IL1RAPL2: variants seen among roughly 807,000 people sequenced by gnomAD.
IL1RAPL2 encodes the protein interleukin 1 receptor accessory protein like 2, also known as X-linked interleukin-1 receptor accessory protein-like 2.
A neutral mutation model predicts 44.1 loss-of-function variants in IL1RAPL2; 3 were observed. The ratio of observed to expected loss-of-function variants is 0.07; its 90% CI spans 0.03 to 0.18. IL1RAPL2 has a LOEUF of 0.18. IL1RAPL2 is among the 10% of genes least tolerant of loss of function. IL1RAPL2 has a pLI of 1.00. For synonymous variants in IL1RAPL2, 181 were observed against 178.8 expected, an observed-to-expected ratio of 1.01 and a Z score of -0.10; for missense variants, 391 against 496.4, an observed-to-expected ratio of 0.79 and a Z score of 2.02.
chrX:105,531,434 C>G (rs996096586), intron 6 of IL1RAPL2, among the ~76,000 whole-genome samples: 1 of 111,535 alleles, frequency 9.0e-6, no homozygotes, highest in Non-Finnish European at 1.9e-5. Context: ...TTTGAGCTCC[C>G]TGTATATTTT....
chrX:105,688,332 C>A (rs1053171934), intron 6 of IL1RAPL2, among the ~76,000 whole-genome samples: 2 of 111,804 alleles, frequency 1.8e-5, no homozygotes, highest in African/African-American at 6.5e-5. Flanking sequence ...CCCATCGTCA[C>A]AGCCCAAAAT....
chrX:105,286,590 C>A (rs945298709), intron 5 of IL1RAPL2, among the ~76,000 whole-genome samples: 1 of 98,574 alleles, frequency 1.0e-5, no homozygotes, highest in Non-Finnish European at 1.9e-5. Flanking sequence ...AGTAAGACAA[C>A]GATAGAACAA....
At chrX:105,690,252 A>T (rs897367796) in intron 6 of IL1RAPL2, among the ~76,000 whole-genome samples, 4 of 111,865 alleles carry the variant, frequency 3.6e-5, no homozygotes, top group Non-Finnish European at 5.6e-5. Flanking sequence ...AAAAAAATTT[A>T]AAAAATGTTA....
chrX:105,655,677 C>G (rs1173433388), intron 6 of IL1RAPL2, among the ~76,000 whole-genome samples: 1 of 112,215 alleles, frequency 8.9e-6, no homozygotes, highest in Non-Finnish European at 1.9e-5. Context: ...AATTATATCA[C>G]TCTTCATTTT....
chrX:104,589,383 C>T (rs758018577), intron 1 of IL1RAPL2, among the ~76,000 whole-genome samples: 5 of 112,138 alleles, frequency 4.5e-5, no homozygotes, highest in South Asian at 7.5e-4. Flanking sequence ...ATCCTTTTCA[C>T]GTTTTTCTGC....
chrX:105,374,131 A>AG lies in IL1RAPL2; in HGVS notation c.697+106590_697+106591insG, dbSNP rs1421592973. ...CAAGACTGTCAAAAAAAAAAAAAAA[A>AG]AAAAAGAAAGAAAGAGCAGATGGCT... On this transcript the variant is annotated intron_variant, in intron 5 of 10. Transcript: ENST00000372582. Among the ~76,000 whole-genome samples, 49 of 103,740 alleles carry AG rather than the reference A, an allele frequency of 4.7e-4. 1 individual carries two copies. The highest frequency in any genetic ancestry group is 1.7e-3 in the African/African-American group (45 of 25,717). The allele number at this position is 103,740 out of a possible 115,157, so 90.1% of individuals were successfully genotyped here.
chrX:105,655,889 C>T (rs949543725), intron 6 of IL1RAPL2, among the ~76,000 whole-genome samples: 1 of 111,715 alleles, frequency 9.0e-6, no homozygotes, highest in Non-Finnish European at 1.9e-5. Context: ...TGTTTTTATA[C>T]AGGCATGCAA....
intron 2 of IL1RAPL2, among the ~76,000 whole-genome samples, chrX:104,977,944 C>T (rs1012218713): frequency 8.9e-6 from 1 of 111,836 alleles, no homozygotes; most frequent in Admixed American, 9.5e-5. Context: ...TGATAACTTC[C>T]AAGTGTTGCT....
intron 6 of IL1RAPL2, among the ~76,000 whole-genome samples, chrX:105,642,373 A>G (rs2037575647): frequency 8.9e-6 from 1 of 112,239 alleles, no homozygotes; most frequent in African/African-American, 3.2e-5. Context: ...ACTTGGTGTC[A>G]ATTGGGTTCC....
At chrX:105,047,797 G>A (rs1256986978) in intron 2 of IL1RAPL2, among the ~76,000 whole-genome samples, 2 of 111,538 alleles carry the variant, frequency 1.8e-5, no homozygotes, top group African/African-American at 6.5e-5. Context: ...GCTAACTGAA[G>A]AACAACTATT....
chrX:105,349,440 G>A (rs1276152104), intron 5 of IL1RAPL2, among the ~76,000 whole-genome samples: 1 of 111,570 alleles, frequency 9.0e-6, no homozygotes, highest in Non-Finnish European at 1.9e-5. Context: ...TTAAACATGT[G>A]TACATGTTTC....
At chrX:104,735,834 G>A (rs979541111) in intron 2 of IL1RAPL2, among the ~76,000 whole-genome samples, 14 of 111,285 alleles carry the variant, frequency 1.3e-4, no homozygotes, top group African/African-American at 2.9e-4. Flanking sequence ...TGTGATACAC[G>A]ATGTTAGTTA....
Position 104,784,848 on chromosome X carries a change from G to A in IL1RAPL2, c.82+125853G>A, listed in dbSNP as rs145354196. Among the ~76,000 whole-genome samples, 707 of 109,486 alleles carry A rather than the reference G, an allele frequency of 6.5e-3. 3 individuals are homozygous for A. The highest frequency in any genetic ancestry group is 0.022 in the African/African-American group (649 of 30,111). ...CTGAAGACCCCCAGAAGGGCTAAGCGGTAACCAGAGCAGAGGCAGGAGAAG... is the reference window on the plus strand; with the variant it reads ...CTGAAGACCCCCAGAAGGGCTAAGCAGTAACCAGAGCAGAGGCAGGAGAAG... On this transcript the variant is annotated intron_variant, in intron 2 of 10. Transcript: ENST00000372582.
intron 6 of IL1RAPL2, among the ~76,000 whole-genome samples, chrX:105,535,195 G>A (rs1343570140): frequency 1.8e-5 from 2 of 111,870 alleles, no homozygotes; most frequent in Non-Finnish European, 3.8e-5. Context: ...ATAAAGAAGA[G>A]TTCAATATGT....
chrX:105,693,141 G>A (rs776372426), intron 6 of IL1RAPL2, among the ~76,000 whole-genome samples: 4 of 111,566 alleles, frequency 3.6e-5, no homozygotes, highest in Non-Finnish European at 5.6e-5. Context: ...TAATGGCTCC[G>A]CAAAGGTGTT....
chrX:104,668,691 T>G (rs935211238), intron 2 of IL1RAPL2, among the ~76,000 whole-genome samples: 3 of 109,594 alleles, frequency 2.7e-5, no homozygotes, highest in African/African-American at 9.9e-5. Context: ...GATTTTTTTT[T>G]TTTTACAGTA....
intron 5 of IL1RAPL2, among the ~76,000 whole-genome samples, chrX:105,441,941 C>T (rs1175017105): frequency 9.0e-6 from 1 of 111,446 alleles, no homozygotes; most frequent in African/African-American, 3.3e-5. Context: ...GGTTTGAAGA[C>T]TAGTCTTAAT....
At chrX:104,662,373 A>G (rs984567849) in intron 2 of IL1RAPL2, among the ~76,000 whole-genome samples, 12 of 112,039 alleles carry the variant, frequency 1.1e-4, no homozygotes, top group Admixed American at 8.5e-4. Flanking sequence ...TAAGGACTAT[A>G]GCTGATTATT....
chrX:105,237,649 A>G (rs922012241), intron 4 of IL1RAPL2, among the ~76,000 whole-genome samples: 18 of 111,612 alleles, frequency 1.6e-4, no homozygotes, highest in African/African-American at 5.6e-4. Context: ...TTCTTTTGAG[A>G]AGTGTGTGTT....
Sources: gnomAD v4.1 joint callset for allele counts (sites outside exome capture counted in the v4.1 genomes callset) on GRCh38, gnomAD v4.1.1 for gene constraint, MANE v1.5 for transcripts, NCBI Gene and HGNC (gene_info 2026-07-23, HGNC 2026-07-21) for gene names.